Variants in TMEM132D observed in about 807,000 individuals in gnomAD.
The protein encoded by TMEM132D is mature OL transmembrane protein.
In TMEM132D, 21 loss-of-function variants were observed where a neutral mutation model predicts 62.3. The observed-to-expected ratio is 0.34, with a 90% CI of 0.24 to 0.49. TMEM132D has a LOEUF of 0.49. TMEM132D is among the 20% of genes least tolerant of loss of function. TMEM132D has a pLI of 0.99. For synonymous variants in TMEM132D, 621 were observed against 575.6 expected (o/e 1.08, Z -1.13); for missense variants, 1,346 against 1,402.8 (o/e 0.96, Z 0.65).
chr12:129,246,559 C>T (rs954198570), intron 4 of TMEM132D, among the ~76,000 whole-genome samples: 3 of 152,182 alleles, frequency 2.0e-5, no homozygotes, highest in Middle Eastern at 6.8e-3. Flanking sequence ...AGTTTGAGAC[C>T]GGCCTGGCCA....
intron 1 of TMEM132D, among the ~76,000 whole-genome samples, chr12:129,851,509 G>A (rs1281507224): frequency 6.6e-6 from 1 of 152,028 alleles, no homozygotes; most frequent in Non-Finnish European, 1.5e-5. Context: ...ACATGCAAAG[G>A]GCTGTACAAA....
intron 1 of TMEM132D, among the ~76,000 whole-genome samples, chr12:129,767,772 A>C (rs1182562862): frequency 2.6e-5 from 4 of 152,216 alleles, no homozygotes; most frequent in African/African-American, 9.6e-5. Context: ...CCTCTTGGCT[A>C]TTGTGAGTGT....
At chr12:129,503,285 A>T (rs73433673) in intron 3 of TMEM132D, among the ~76,000 whole-genome samples, 2,182 of 152,330 alleles carry the variant, frequency 0.014, 56 homozygotes, top group African/African-American at 0.049. Context: ...AAATCTAAAG[A>T]GTCCACAAAA....
chr12:129,383,373 AACAGAAAT>A (rs1871008089), intron 3 of TMEM132D, among the ~76,000 whole-genome samples: 3 of 152,330 alleles, frequency 2.0e-5, no homozygotes, highest in East Asian at 3.9e-4. Flanking sequence ...ACACACAATC[AACAGAAAT>A]ACAGAAATGC....
chr12:129,334,313 G>C lies in TMEM132D; in HGVS notation c.1299+3321C>G, dbSNP rs1251393828. Among the ~76,000 whole-genome samples, 6 of 152,172 alleles carry C rather than the reference G, an allele frequency of 3.9e-5. No individual in the cohort carries two copies. The East Asian group carries it at 1.2e-3, about 29-fold the overall frequency. On this transcript the variant is annotated intron_variant, in intron 4 of 8. Coordinates refer to ENST00000422113, the MANE Select transcript of TMEM132D (RefSeq NM_133448.3). Reference sequence around the variant, plus strand: ...TTAAAATTTAGAAAATAGCTGCAATGTGGGTATGGTTGTCATTAATTTGGA... The same window carrying C: ...TTAAAATTTAGAAAATAGCTGCAATCTGGGTATGGTTGTCATTAATTTGGA...
chr12:129,794,382 G>A (rs1871500618), intron 1 of TMEM132D, among the ~76,000 whole-genome samples: 1 of 151,570 alleles, frequency 6.6e-6, no homozygotes, highest in Non-Finnish European at 1.5e-5. Flanking sequence ...AATGACAGGA[G>A]TGAGCCACCA....
intron 4 of TMEM132D, among the ~76,000 whole-genome samples, chr12:129,324,656 C>G (rs1160470026): frequency 2.6e-5 from 4 of 151,952 alleles, no homozygotes; most frequent in Admixed American, 2.0e-4. Flanking sequence ...TGGTGAAACC[C>G]CATCCCTACT....
At chr12:129,117,008 G>C (rs1177531246) in intron 5 of TMEM132D, among the ~76,000 whole-genome samples, 2 of 143,210 alleles carry the variant, frequency 1.4e-5, no homozygotes, top group East Asian at 4.2e-4. Context: ...AAGCAACCAA[G>C]ATATCCTTTA....
At chr12:129,739,485 C>G (rs1869532689) in intron 1 of TMEM132D, among the ~76,000 whole-genome samples, 1 of 152,174 alleles carries the variant, frequency 6.6e-6, no homozygotes, top group Non-Finnish European at 1.5e-5. Flanking sequence ...TTCTGTCTCT[C>G]TCTAACAAAA....
chr12:129,093,287 A>T (rs921759045), intron 5 of TMEM132D, among the ~76,000 whole-genome samples: 1 of 152,184 alleles, frequency 6.6e-6, no homozygotes, highest in African/African-American at 2.4e-5. Flanking sequence ...AGAAAACCCC[A>T]TCGTCTCAGC....
At chr12:129,629,600 T>G (rs972247654) in intron 2 of TMEM132D, among the ~76,000 whole-genome samples, 2 of 152,202 alleles carry the variant, frequency 1.3e-5, no homozygotes, top group African/African-American at 4.8e-5. Context: ...AAGTGTTTCA[T>G]TTCTTATTAC....
chr12:129,519,310 T>C (rs1875778746), intron 3 of TMEM132D, among the ~76,000 whole-genome samples: 1 of 152,174 alleles, frequency 6.6e-6, no homozygotes. Flanking sequence ...GTGATCTTCA[T>C]AGTCTATTGG....
chr12:129,170,861 A>G (rs117536892), intron 5 of TMEM132D, among the ~76,000 whole-genome samples: 1,982 of 152,262 alleles, frequency 0.013, 53 homozygotes, highest in East Asian at 0.11. Context: ...GCCATTAACA[A>G]GTCATAATCT....
chr12:129,777,642 A>G (rs564060661), intron 1 of TMEM132D, among the ~76,000 whole-genome samples: 1 of 152,330 alleles, frequency 6.6e-6, no homozygotes, highest in Non-Finnish European at 1.5e-5. Context: ...ACCACTTACC[A>G]TGTATATATG....
At chr12:129,672,808 C>T (rs755732949) in intron 2 of TMEM132D, among the ~76,000 whole-genome samples, 2 of 152,174 alleles carry the variant, frequency 1.3e-5, no homozygotes, top group African/African-American at 2.4e-5. Flanking sequence ...AGTGCAATGG[C>T]ACTATCTCGG....
chr12:129,568,525 T>C (rs567188942), intron 2 of TMEM132D, among the ~76,000 whole-genome samples: 6 of 152,366 alleles, frequency 3.9e-5, no homozygotes, highest in African/African-American at 1.4e-4. Context: ...TGAATGCATC[T>C]GTTGCTTTCA....
intron 1 of TMEM132D, among the ~76,000 whole-genome samples, chr12:129,814,958 T>A (rs1872303309): frequency 6.6e-6 from 1 of 152,192 alleles, no homozygotes; most frequent in African/African-American, 2.4e-5. Flanking sequence ...ACATTCTCCA[T>A]CAAATTATAT....
chr12:129,262,595 G>A (rs1458205622), intron 4 of TMEM132D: 1 of 152,204 alleles, frequency 6.6e-6, no homozygotes, highest in Non-Finnish European at 1.5e-5. Flanking sequence ...CCACAAATCT[G>A]TATTTTTATG....
chr12:129,252,026 A>C (rs1327428988), intron 4 of TMEM132D, among the ~76,000 whole-genome samples: 1 of 152,166 alleles, frequency 6.6e-6, no homozygotes, highest in East Asian at 1.9e-4. Flanking sequence ...GAGACATTGC[A>C]TTTGGGGACT....
Sources: gnomAD v4.1 joint callset for allele counts (sites outside exome capture counted in the v4.1 genomes callset) on GRCh38, gnomAD v4.1.1 for gene constraint, MANE v1.5 for transcripts, NCBI Gene and HGNC (gene_info 2026-07-23, HGNC 2026-07-21) for gene names.